Variants in CMIP observed in about 807,000 individuals in gnomAD.
CMIP encodes the protein C-Maf-inducing protein.
In CMIP, 13 loss-of-function variants were observed where a neutral mutation model predicts 97.3. That is an observed-to-expected ratio of 0.13 (90% CI 0.09 to 0.21). CMIP has a LOEUF of 0.21. Ranked by LOEUF, CMIP falls within the 10% of genes least tolerant of loss-of-function variation. The pLI is 1.00. For synonymous variants in CMIP, 538 were observed against 436.3 expected (o/e 1.23, Z -2.91); for missense variants, 847 against 1,024.9 (o/e 0.83, Z 2.37).
chr16:81,667,800 G>GAGAGAC (rs2092624828), intron 7 of CMIP, among the ~76,000 whole-genome samples: 3 of 45,834 alleles, frequency 6.5e-5, no homozygotes, highest in African/African-American at 2.9e-4. Flanking sequence ...GAGAGAGAGA[G>GAGAGAC]TGTGTGTGTG....
chr16:81,541,246 A>G (rs1329422966), intron 1 of CMIP, among the ~76,000 whole-genome samples: 1 of 152,178 alleles, frequency 6.6e-6, no homozygotes, highest in African/African-American at 2.4e-5. Context: ...GTTCTATAGA[A>G]AGTATATGGT....
intron 1 of CMIP, among the ~76,000 whole-genome samples, chr16:81,561,756 G>T (rs955129340): frequency 6.6e-6 from 1 of 152,198 alleles, no homozygotes; most frequent in African/African-American, 2.4e-5. Context: ...GTAGCCACTG[G>T]GCATGTGTAG....
At chr16:81,612,546 A>G (rs2091849106) in intron 2 of CMIP, among the ~76,000 whole-genome samples, 1 of 152,222 alleles carries the variant, frequency 6.6e-6, no homozygotes, top group Admixed American at 6.5e-5. Context: ...CCTTTTCCCT[A>G]AGAAACTGGG....
intron 1 of CMIP, among the ~76,000 whole-genome samples, chr16:81,489,030 G>A (rs996356308): frequency 6.7e-6 from 1 of 149,212 alleles, no homozygotes; most frequent in Admixed American, 6.6e-5. Flanking sequence ...CATTCTATTC[G>A]TTCATTCTTT....
intron 1 of CMIP, among the ~76,000 whole-genome samples, chr16:81,482,341 T>A (rs921558767): frequency 3.9e-5 from 6 of 152,172 alleles, no homozygotes; most frequent in Admixed American, 3.3e-4. Context: ...AGGGCCATTA[T>A]TGTGCCTATC....
chr16:81,476,087 A>G (rs55873299), intron 1 of CMIP: 20,689 of 771,506 alleles, frequency 0.027, 1,513 homozygotes, highest in East Asian at 0.26. Flanking sequence ...CCTGGACCCA[A>G]AGTGCTCCAT....
intron 1 of CMIP, among the ~76,000 whole-genome samples, chr16:81,580,885 C>T (rs920209984): frequency 6.6e-6 from 1 of 152,202 alleles, no homozygotes; most frequent in Non-Finnish European, 1.5e-5. Flanking sequence ...TCCGAAACCT[C>T]TTCTCCACCC....
intron 2 of CMIP, among the ~76,000 whole-genome samples, chr16:81,609,311 CT>C (rs755079460): frequency 2.7e-4 from 41 of 152,194 alleles, no homozygotes; most frequent in Admixed American, 5.2e-4. Flanking sequence ...TCACTCGCTC[CT>C]TCTTGCCCAT....
chr16:81,690,206 G>A (rs546841029), intron 10 of CMIP, among the ~76,000 whole-genome samples: 37 of 152,270 alleles, frequency 2.4e-4, no homozygotes, highest in African/African-American at 8.9e-4. Context: ...TCATTGGTAG[G>A]TTGATGGGGA....
chr16:81,701,551 G>T (rs550725316), intron 15 of CMIP, 109 bp from the exon 16 acceptor site: 4 of 1,473,548 alleles, frequency 2.7e-6, no homozygotes, highest in African/African-American at 2.8e-5. Flanking sequence ...GCTGCAGAAA[G>T]GGGATAGTGG....
At chr16:81,640,491 G>A (rs117341788) in intron 3 of CMIP, among the ~76,000 whole-genome samples, 1 of 152,194 alleles carries the variant, frequency 6.6e-6, no homozygotes, top group African/African-American at 2.4e-5. Context: ...CCTTACAGCT[G>A]TCTGGGCTTC....
chr16:81,544,839 T>C (rs2090515604), intron 1 of CMIP, among the ~76,000 whole-genome samples: 1 of 152,144 alleles, frequency 6.6e-6, no homozygotes, highest in Admixed American at 6.5e-5. Context: ...TGTGCGTGCA[T>C]GGAGGGCTCT....
chr16:81,679,097 C>T (rs1303623101), intron 10 of CMIP, among the ~76,000 whole-genome samples: 8 of 152,136 alleles, frequency 5.3e-5, no homozygotes, highest in African/African-American at 1.9e-4. Flanking sequence ...GACATCTCTA[C>T]TGTGTTGGGT....
At chr16:81,656,491 C>T (rs777586824) in intron 4 of CMIP, among the ~76,000 whole-genome samples, 4 of 152,200 alleles carry the variant, frequency 2.6e-5, no homozygotes, top group Admixed American at 6.5e-5. Flanking sequence ...GAACACACCA[C>T]GAAACTAGCA....
chr16:81,487,513 C>T (rs2089336943), intron 1 of CMIP, among the ~76,000 whole-genome samples: 1 of 152,174 alleles, frequency 6.6e-6, no homozygotes. Flanking sequence ...GCAGGCTGGG[C>T]AGCATGGCCC....
Position 81,445,382 on chromosome 16 carries a change from C to T in CMIP, c.141C>T (p.Cys47=). The change falls in exon 1 of 21, where the codon TGC becomes TGT. Residue 47 remains cysteine (C), a synonymous_variant. Coordinates refer to ENST00000537098, the MANE Select transcript of CMIP (RefSeq NM_198390.3). ...AVPCRRALLL[C]NGMRYKLLQE... is the part of the protein sequence containing the mutation. ...CCTGCCGCCGGGCTCTTCTGCTTTG[C>T]AACGGGATGAGGTACAAACTGCTGC... is the stretch of plus-strand genomic sequence containing the variant. 1 of 1,605,940 alleles carries T rather than the reference C, an allele frequency of 6.2e-7. No individual in the cohort carries two copies. Among genetic ancestry groups the T allele is most frequent in the Non-Finnish European group, 8.5e-7 (1 of 1,176,484 alleles).
At chr16:81,558,881 G>T (rs563644004) in intron 1 of CMIP, among the ~76,000 whole-genome samples, 1 of 152,306 alleles carries the variant, frequency 6.6e-6, no homozygotes, top group Admixed American at 6.5e-5. Flanking sequence ...TCCCTTCAGC[G>T]TCACCTCCCC....
intron 1 of CMIP, among the ~76,000 whole-genome samples, chr16:81,456,840 G>A (rs1185742549): frequency 6.6e-6 from 1 of 152,208 alleles, no homozygotes; most frequent in African/African-American, 2.4e-5. Context: ...CGTGTGGACA[G>A]AGCAGAAGGG....
chr16:81,603,646 A>G (rs79594158), intron 1 of CMIP, among the ~76,000 whole-genome samples: 2,383 of 152,280 alleles, frequency 0.016, 59 homozygotes, highest in African/African-American at 0.054. Context: ...CAGTACCTGT[A>G]GTCACGTCTC....
Sources: allele counts gnomAD v4.1 joint callset (sites outside exome capture counted in the v4.1 genomes callset), GRCh38; gene constraint gnomAD v4.1.1; transcripts MANE v1.5; gene names NCBI Gene and HGNC (gene_info 2026-07-23, HGNC 2026-07-21).